Variants in LTF observed in about 807,000 individuals in gnomAD.
The protein encoded by LTF is epididymis luminal protein 110.
Under a neutral mutation model 87.2 loss-of-function variants are expected in LTF, and 91 were observed. That is an observed-to-expected ratio of 1.04 (90% CI 0.88 to 1.24). The LOEUF is 1.24. LTF is among the 50% of genes most tolerant of loss of function. LTF has a pLI of 0.00. For missense variants in LTF, 901 were observed against 904.3 expected (o/e 1.00, Z 0.05); for synonymous variants, 378 against 356.1 (o/e 1.06, Z -0.69).
Position 46,464,817 on chromosome 3 carries a change from G to T in LTF, c.43+8C>A. 1.2e-6 allele frequency: 2 copies of T among 1,614,078 alleles called. No individual in the cohort carries two copies. Among genetic ancestry groups the T allele is most frequent in the Non-Finnish European group, 1.7e-6 (2 of 1,179,984 alleles). ...AGGCGGCTCGCGCCCCCAGGCACCT[G>T]CACTCACCGAGGGCCCCGAGGAACA... On this transcript the variant is annotated splice_region_variant and intron_variant, in intron 1 of 16. Transcript: ENST00000231751.
At chr3:46,447,981 T>C (rs1702698076) in intron 9 of LTF, among the ~76,000 whole-genome samples, 2 of 152,234 alleles carry the variant, frequency 1.3e-5, no homozygotes, top group Admixed American at 1.3e-4. Context: ...ACAGGGTTAT[T>C]GATAATAGCA....
At chr3:46,476,108 A>G (rs1703356846) in intron 1 of LTF, among the ~76,000 whole-genome samples, 1 of 152,184 alleles carries the variant, frequency 6.6e-6, no homozygotes, top group Non-Finnish European at 1.5e-5. Context: ...TATTAAATTC[A>G]CTTATAAAAT....
At chr3:46,436,442 T>C (rs751345594) in intron 16 of LTF, among the ~76,000 whole-genome samples, 1 of 152,206 alleles carries the variant, frequency 6.6e-6, no homozygotes, top group Non-Finnish European at 1.5e-5. Context: ...GCCAGGGTGT[T>C]TCCCTGCTCT....
chr3:46,446,624 C>T (rs1417970985), intron 10 of LTF, 131 bp from the exon 11 acceptor site: 13 of 679,692 alleles, frequency 1.9e-5, no homozygotes, highest in Middle Eastern at 5.3e-4. Context: ...AGGAGAAATG[C>T]GTCTATATGT....
In LTF at chr3:46,443,549, G is replaced by T; in HGVS notation, c.1547C>A (p.Ser516Tyr). Reference sequence around the variant, plus strand: ...AGCACAGAGATTAGATCTCGGGTCAGACCCAGGGGCACAGCTTTGACTGAA... The same window carrying T: ...AGCACAGAGATTAGATCTCGGGTCATACCCAGGGGCACAGCTTTGACTGAA... ...EYFSQSCAPG[S>Y]DPRSNLCALC... Residue 516 changes from serine to tyrosine, a missense_variant, in exon 13 of 17, where the codon TCT becomes TAT. Transcript: ENST00000231751. 6.2e-7 allele frequency: 1 copy of T among 1,613,974 alleles called. No individual in the cohort carries two copies. The highest frequency in any genetic ancestry group is 1.1e-5 in the South Asian group (1 of 91,064).
At chr3:46,456,446 C>A in intron 2 of LTF, 48 bp from the exon 3 acceptor site, 1 of 1,511,972 alleles carries the variant, frequency 6.6e-7, no homozygotes, top group South Asian at 1.1e-5. Flanking sequence ...CTCACCCAAA[C>A]CCAGCAAGTG....
At chr3:46,437,788 T>C (rs948676655) in intron 16 of LTF, 152 bp downstream of exon 16, 1 of 645,058 alleles carries the variant, frequency 1.6e-6, no homozygotes, top group African/African-American at 1.8e-5. Context: ...AATTATTTTA[T>C]CAATGAGATT....
intron 1 of LTF, among the ~76,000 whole-genome samples, chr3:46,471,941 A>T (rs1703293967): frequency 6.6e-6 from 1 of 152,166 alleles, no homozygotes; most frequent in Admixed American, 6.5e-5. Context: ...GCACCACTTT[A>T]AGGCCGAGAT....
chr3:46,440,202 C>T (rs768721052), intron 14 of LTF, among the ~76,000 whole-genome samples: 5 of 151,984 alleles, frequency 3.3e-5, no homozygotes, highest in Non-Finnish European at 7.4e-5. Flanking sequence ...GTTTAGAGTT[C>T]TTATTTTTTT....
chr3:46,450,884 A>G (rs555094976), intron 6 of LTF, among the ~76,000 whole-genome samples: 28 of 152,258 alleles, frequency 1.8e-4, no homozygotes, highest in Non-Finnish European at 3.5e-4. Flanking sequence ...TGTGATCCTC[A>G]TCCTAAATCA....
At chr3:46,459,401 A>C (rs373766550) in intron 2 of LTF, among the ~76,000 whole-genome samples, 14 of 152,354 alleles carry the variant, frequency 9.2e-5, no homozygotes, top group African/African-American at 3.4e-4. Context: ...ATTTTGGAAC[A>C]GTTGTTATTA....
rs747544465 is a variant in LTF at position 46,449,900 on chromosome 3, C to T, written c.1011G>A (p.Leu337=). ...CAGTGAAGTAGCCGGAGCCAAGGTA[C>T]AGCCCAGAATCTATCCTCGGGGGCA... ...SRVPPRIDSG[L]YLGSGYFTAI... The change falls in exon 8 of 17, where the codon CTG becomes CTA. Residue 337 remains leucine, a synonymous_variant. Coordinates refer to ENST00000231751, the MANE Select transcript of LTF (RefSeq NM_002343.6). 1 of 1,614,190 alleles carries T rather than the reference C, an allele frequency of 6.2e-7. No individual in the cohort carries two copies. Among genetic ancestry groups the T allele is most frequent in the South Asian group, 1.1e-5 (1 of 91,084 alleles).
intron 13 of LTF, among the ~76,000 whole-genome samples, chr3:46,442,228 G>C (rs374066818): frequency 6.6e-6 from 1 of 152,178 alleles, no homozygotes; most frequent in East Asian, 1.9e-4. Flanking sequence ...TGGTTGTGTG[G>C]TGGAAAAGGT....
At chr3:46,472,511 TGTGTGTGTGTGTGTGTGA>T (rs1260006518) in intron 1 of LTF, among the ~76,000 whole-genome samples, 1 of 149,920 alleles carries the variant, frequency 6.7e-6, no homozygotes, top group Non-Finnish European at 1.5e-5. Flanking sequence ...TGTGTGTGTG[TGTGTGTGTGTGTGTGTGA>T]GAGAGAGAGA....
At chr3:46,448,160 TCGAGA>T (rs963450184) in intron 9 of LTF, among the ~76,000 whole-genome samples, 1 of 152,046 alleles carries the variant, frequency 6.6e-6, no homozygotes, top group African/African-American at 2.4e-5. Flanking sequence ...GCCCAGGAGT[TCGAGA>T]CGAGCCTGGG....
intron 1 of LTF, among the ~76,000 whole-genome samples, chr3:46,481,938 GA>G (rs1178753792): frequency 1.3e-5 from 2 of 152,056 alleles, no homozygotes; most frequent in Non-Finnish European, 2.9e-5. Context: ...TTGAATTATT[GA>G]AAAAATAAAA....
At chr3:46,440,073 C>G (rs2298951) in intron 14 of LTF, among the ~76,000 whole-genome samples, 2,775 of 152,266 alleles carry the variant, frequency 0.018, 97 homozygotes, top group East Asian at 0.1. Flanking sequence ...AGGATACAAG[C>G]GTTCTAGAGT....
chr3:46,440,790 G>A (rs954495086), intron 14 of LTF, among the ~76,000 whole-genome samples: 4 of 152,204 alleles, frequency 2.6e-5, no homozygotes, highest in Admixed American at 2.6e-4. Context: ...CTGAGACTTG[G>A]GGGTTGGAAT....
intron 2 of LTF, among the ~76,000 whole-genome samples, chr3:46,456,941 T>C (rs1702952283): frequency 6.6e-6 from 1 of 152,194 alleles, no homozygotes; most frequent in Admixed American, 6.5e-5. Flanking sequence ...AGATGGGGAA[T>C]GGTTTTGGGA....
Sources: allele counts gnomAD v4.1 joint callset (sites outside exome capture counted in the v4.1 genomes callset), GRCh38; gene constraint gnomAD v4.1.1; transcripts MANE v1.5; gene names NCBI Gene and HGNC (gene_info 2026-07-23, HGNC 2026-07-21).